NOL4: variants seen among roughly 807,000 people sequenced by gnomAD.
The protein encoded by NOL4 is nucleolar protein 4.
A neutral mutation model predicts 75.9 loss-of-function variants in NOL4; 17 were observed. The observed-to-expected ratio is 0.22, with a 90% CI of 0.15 to 0.34. The LOEUF (loss-of-function observed/expected upper bound fraction) is 0.34. Ranked by LOEUF, NOL4 falls within the 10% of genes least tolerant of loss-of-function variation. The probability of loss-of-function intolerance (pLI) is 1.00; values close to 1 mark genes in which losing one functional copy is unlikely to be tolerated. For missense variants in NOL4, 614 were observed against 793.5 expected (o/e 0.77, Z 2.72); for synonymous variants, 292 against 289.9 (o/e 1.01, Z -0.07).
chr18:34,154,692 C>CTATA, intron 1 of NOL4, among the ~76,000 whole-genome samples: 1 of 149,646 alleles, frequency 6.7e-6, no homozygotes, highest in African/African-American at 2.4e-5. Flanking sequence ...TATACTATTG[C>CTATA]TATATATATA....
intron 10 of NOL4, among the ~76,000 whole-genome samples, chr18:33,853,840 T>C (rs544511073): frequency 3.1e-4 from 47 of 152,236 alleles, no homozygotes; most frequent in African/African-American, 1.1e-3. Context: ...ATTTAAGCCA[T>C]CTGGTGGGTA....
At chr18:34,116,724 C>T (rs1435140164) in intron 2 of NOL4, among the ~76,000 whole-genome samples, 2 of 151,950 alleles carry the variant, frequency 1.3e-5, no homozygotes, top group Non-Finnish European at 2.9e-5. Context: ...TGTTGTTTTG[C>T]TCTATTTTTT....
rs562127510 is a variant in NOL4, at chr18:33,863,829, A to T, written c.1724-10794T>A. The stretch of plus-strand genomic sequence containing the variant: ...TTTCCCTTCCACACAGCCCTAATGG[A>T]GGTTCTCCATGAGGGCTCCATCCCT... On this transcript the variant is annotated intron_variant, in intron 10 of 10. Coordinates refer to ENST00000261592, the MANE Select transcript of NOL4 (RefSeq NM_003787.5). Among the ~76,000 whole-genome samples the T allele has an allele frequency of 2.0e-5, 3 of 152,206 alleles. No individual in the cohort carries two copies. In the South Asian group the frequency reaches 6.2e-4, roughly 32 times the overall value.
At chr18:34,157,960 T>C (rs1258994420) in intron 1 of NOL4, among the ~76,000 whole-genome samples, 1 of 152,092 alleles carries the variant, frequency 6.6e-6, no homozygotes, top group African/African-American at 2.4e-5. Context: ...GAAAACACCA[T>C]GACACAGAAA....
At chr18:33,971,631 G>A (rs1355924548) in intron 6 of NOL4, among the ~76,000 whole-genome samples, 1 of 152,150 alleles carries the variant, frequency 6.6e-6, no homozygotes, top group Non-Finnish European at 1.5e-5. Context: ...AAAATGTACA[G>A]TTCTAGGGGT....
intron 10 of NOL4, among the ~76,000 whole-genome samples, chr18:33,873,112 A>G (rs559324916): frequency 1.3e-5 from 2 of 152,112 alleles, no homozygotes; most frequent in East Asian, 3.9e-4. Context: ...TTCACATAAT[A>G]TGTTACTACC....
chr18:34,115,251 G>A (rs2079797246), intron 2 of NOL4, among the ~76,000 whole-genome samples: 1 of 152,098 alleles, frequency 6.6e-6, no homozygotes. Context: ...TAAGGAAGCT[G>A]GAAGCTTGCA....
intron 9 of NOL4, among the ~76,000 whole-genome samples, chr18:33,891,718 C>G (rs764924253): frequency 6.6e-6 from 1 of 152,162 alleles, no homozygotes; most frequent in Non-Finnish European, 1.5e-5. Flanking sequence ...ATTGTTGCCA[C>G]AGTATTTTCT....
At chr18:33,999,620 T>C (rs2073547167) in intron 6 of NOL4, among the ~76,000 whole-genome samples, 1 of 152,032 alleles carries the variant, frequency 6.6e-6, no homozygotes, top group African/African-American at 2.4e-5. Flanking sequence ...ATCTCAGGAA[T>C]GGCAAAGGTG....
chr18:34,164,394 A>G (rs184159139), intron 1 of NOL4, among the ~76,000 whole-genome samples: 1 of 152,288 alleles, frequency 6.6e-6, no homozygotes, highest in East Asian at 1.9e-4. Flanking sequence ...CAAATTTACA[A>G]GAAAAAAAAC....
chr18:33,915,539 G>T (rs779515013), intron 9 of NOL4, among the ~76,000 whole-genome samples: 2 of 152,094 alleles, frequency 1.3e-5, no homozygotes, highest in Non-Finnish European at 2.9e-5. Context: ...TGGAATAGGC[G>T]AGAGGCGATG....
At chr18:34,161,003 A>C (rs2031381745) in intron 1 of NOL4, among the ~76,000 whole-genome samples, 1 of 151,670 alleles carries the variant, frequency 6.6e-6, no homozygotes, top group African/African-American at 2.4e-5. Context: ...TGTAGTTACC[A>C]CTCTTCTATT....
chr18:33,987,712 G>C (rs909447804), intron 6 of NOL4, among the ~76,000 whole-genome samples: 2 of 152,090 alleles, frequency 1.3e-5, no homozygotes, highest in Non-Finnish European at 1.5e-5. Flanking sequence ...ATTAGAGCCA[G>C]GATTTATTCC....
At chr18:34,198,568 G>T (rs2035502426) in intron 1 of NOL4, among the ~76,000 whole-genome samples, 1 of 151,766 alleles carries the variant, frequency 6.6e-6, no homozygotes, top group Admixed American at 6.6e-5. Context: ...TCTTAGAAAT[G>T]TATTGATGCC....
At chr18:34,122,153 C>A (rs565084694) in intron 2 of NOL4, among the ~76,000 whole-genome samples, 1 of 152,084 alleles carries the variant, frequency 6.6e-6, no homozygotes, top group Non-Finnish European at 1.5e-5. Flanking sequence ...AACCAAAGAA[C>A]TAAATTCAGC....
At chr18:34,084,594 G>A (rs1043326237) in intron 5 of NOL4, among the ~76,000 whole-genome samples, 1 of 152,108 alleles carries the variant, frequency 6.6e-6, no homozygotes, top group Admixed American at 6.6e-5. Flanking sequence ...GGATACATAA[G>A]ATATACTTTG....
intron 9 of NOL4, among the ~76,000 whole-genome samples, chr18:33,919,912 G>A (rs917619294): frequency 2.6e-5 from 4 of 152,122 alleles, no homozygotes; most frequent in Non-Finnish European, 5.9e-5. Context: ...TAGATGGGGG[G>A]CTGTGTGTGT....
chr18:33,888,308 C>A (rs1327013655), intron 9 of NOL4, among the ~76,000 whole-genome samples: 1 of 152,112 alleles, frequency 6.6e-6, no homozygotes, highest in Non-Finnish European at 1.5e-5. Context: ...ATTGTAGATT[C>A]TGGATAATAG....
chr18:33,896,991 C>T (rs950808025), intron 9 of NOL4, among the ~76,000 whole-genome samples: 8 of 151,982 alleles, frequency 5.3e-5, no homozygotes, highest in Non-Finnish European at 1.0e-4. Flanking sequence ...GACATACATG[C>T]GGCCAGTAAG....
Sources: gnomAD v4.1 joint callset for allele counts (sites outside exome capture counted in the v4.1 genomes callset) on GRCh38, gnomAD v4.1.1 for gene constraint, MANE v1.5 for transcripts, NCBI Gene and HGNC (gene_info 2026-07-23, HGNC 2026-07-21) for gene names.